Variants in AP3D1 observed in about 807,000 individuals in gnomAD.
The protein encoded by AP3D1 is adaptor related protein complex 3 subunit delta 1, also known as AP-3 complex subunit delta-1.
In AP3D1, 51 loss-of-function variants were observed where a neutral mutation model predicts 147.6. The observed-to-expected ratio is 0.35, with a 90% CI of 0.28 to 0.44. AP3D1 has a LOEUF of 0.44. AP3D1 is among the 20% of genes least tolerant of loss of function. AP3D1 has a pLI of 1.00. For synonymous variants in AP3D1, 760 were observed against 663.0 expected (o/e 1.15, Z -2.25); for missense variants, 1,421 against 1,624.2 (o/e 0.87, Z 2.15).
chr19:2,127,068 C>T (rs1203231293), intron 9 of AP3D1, 84 bp downstream of exon 9: 5 of 1,461,630 alleles, frequency 3.4e-6, no homozygotes, highest in Non-Finnish European at 4.8e-6. Flanking sequence ...TCGGAGACAC[C>T]AGGCCTGGCG....
chr19:2,163,122 G>A (rs187059931), intron 1 of AP3D1, among the ~76,000 whole-genome samples: 18 of 152,146 alleles, frequency 1.2e-4, no homozygotes, highest in African/African-American at 3.6e-4. Context: ...TGCCCAGGCC[G>A]GAGTGCAGTG....
intron 1 of AP3D1, among the ~76,000 whole-genome samples, chr19:2,156,603 C>G (rs2019647216): frequency 6.6e-6 from 1 of 151,908 alleles, no homozygotes; most frequent in Non-Finnish European, 1.5e-5. Context: ...GTAATCCCAG[C>G]CCTTTGGGAG....
rs543008778 is a variant in AP3D1 at position 2,117,017 on chromosome 19, C to T, written c.1859+205G>A. On this transcript the variant is annotated intron_variant, in intron 16 of 31. Coordinates refer to ENST00000643116, the MANE Select transcript of AP3D1 (RefSeq NM_001261826.3). Reference sequence around the variant, plus strand: ...CAAGGGTGGGAGCAGGCCCACTTCGCAGGGAGCATCCCCAGGCAGAAGCCA... The same window carrying T: ...CAAGGGTGGGAGCAGGCCCACTTCGTAGGGAGCATCCCCAGGCAGAAGCCA... 1.1e-5 allele frequency: 9 copies of T among 820,700 alleles called. No individual in the cohort carries two copies. The East Asian group carries it at 2.6e-4, about 24-fold the overall frequency. 50.8% of individuals were successfully genotyped at this position (820,700 alleles called of 1,614,324 possible).
chr19:2,127,669 C>T (rs185431273), intron 8 of AP3D1, among the ~76,000 whole-genome samples: 28 of 152,316 alleles, frequency 1.8e-4, no homozygotes, highest in African/African-American at 5.8e-4. Context: ...GGATTGCAAG[C>T]GTGCACCACC....
chr19:2,130,041 A>G (rs1456992032), intron 6 of AP3D1, among the ~76,000 whole-genome samples: 1 of 152,090 alleles, frequency 6.6e-6, no homozygotes, highest in African/African-American at 2.4e-5. Context: ...CCACAAATAC[A>G]CAACAGCTAC....
rs968333319 is a variant in AP3D1, at chr19:2,102,771, A to G, written c.3553-503T>C. ...AATAAATAAATAAATAAATAAATAA[A>G]TAAATAAATAAAATAAAAATAAAAA... On this transcript the variant is annotated intron_variant, in intron 31 of 31. Coordinates refer to ENST00000643116, the MANE Select transcript of AP3D1 (RefSeq NM_001261826.3). Among the ~76,000 whole-genome samples, 15 of 148,552 alleles carry G rather than the reference A, an allele frequency of 1.0e-4. No individual in the cohort carries two copies. In the Middle Eastern group the frequency reaches 0.011, roughly 105 times the overall value.
chr19:2,140,192 G>A (rs890410994), intron 1 of AP3D1, among the ~76,000 whole-genome samples: 4 of 152,120 alleles, frequency 2.6e-5, no homozygotes, highest in Non-Finnish European at 2.9e-5. Context: ...CATCCCAGGC[G>A]TGGAGAGGTC....
intron 1 of AP3D1, among the ~76,000 whole-genome samples, chr19:2,141,784 G>A (rs533493148): frequency 3.3e-5 from 5 of 151,256 alleles, no homozygotes; most frequent in Admixed American, 2.0e-4. Context: ...CTATTGCACA[G>A]GCTAAAGTGC....
In AP3D1 at chr19:2,115,580, G is replaced by T; in HGVS notation, c.2107C>A (p.Pro703Thr). The T allele has an allele frequency of 6.2e-7, 1 of 1,613,186 alleles. No individual in the cohort carries two copies. The highest frequency in any genetic ancestry group is 8.5e-7 in the Non-Finnish European group (1 of 1,179,844). The change falls in exon 19 of 32, where the codon CCC (proline) becomes ACC (threonine). Residue 703 changes from proline (P) to threonine (T), a missense_variant. Physicochemically the swap from Pro to Thr is conservative, Grantham distance 38. Transcript: ENST00000643116. ...ACGGAGAGGTCAATCTGCACCACGG[G>T]AATGTGCTCCACGCCCGGGGTGTCC... The part of the protein sequence containing the change: ...YQDTPGVEHI[P>T]VVQIDLSVPL...
At chr19:2,149,812 T>C (rs767268176) in intron 1 of AP3D1, among the ~76,000 whole-genome samples, 1 of 152,142 alleles carries the variant, frequency 6.6e-6, no homozygotes, top group African/African-American at 2.4e-5. Context: ...CGCTGGGAGA[T>C]CCTGCCTGTG....
In AP3D1 at chr19:2,150,290, C is replaced by G. The variant is rs1374481868; in HGVS notation, c.96+949G>C. Among the ~76,000 whole-genome samples the G allele has an allele frequency of 3.3e-5, 5 of 152,198 alleles. 1 individual carries two copies. The East Asian group carries it at 9.6e-4, about 29-fold the overall frequency. On this transcript the variant is annotated intron_variant, in intron 1 of 31. Coordinates refer to ENST00000643116, the MANE Select transcript of AP3D1 (RefSeq NM_001261826.3). ...CTGTCCACGCAGGGAAGCAGGCAGG[C>G]AGTCGCTCAAGTAGGACACTTTCTA...
At chr19:2,138,410 C>T (rs1248077365) in intron 2 of AP3D1, among the ~76,000 whole-genome samples, 2 of 152,246 alleles carry the variant, frequency 1.3e-5, no homozygotes, top group African/African-American at 4.8e-5. Context: ...CCACCAGGGC[C>T]TGTGGGTTGC....
chr19:2,149,150 G>C (rs928997019), intron 1 of AP3D1, among the ~76,000 whole-genome samples: 1 of 152,176 alleles, frequency 6.6e-6, no homozygotes, highest in Admixed American at 6.6e-5. Flanking sequence ...GAGAAAGCCA[G>C]GGTCCCCAGA....
rs372877711 is a variant in AP3D1 at position 2,110,687 on chromosome 19, G to A, written c.3175+20C>T. The A allele has an allele frequency of 3.5e-5, 55 of 1,569,834 alleles. No homozygotes were observed. In the East Asian group the frequency reaches 5.6e-4, roughly 16 times the overall value. Reference sequence around the variant, plus strand: ...GCTCCCACAGTCCCCAGGAGAGGCCGTGAGTGGGGCAGGGCTCACCTGGGG... The same window carrying A: ...GCTCCCACAGTCCCCAGGAGAGGCCATGAGTGGGGCAGGGCTCACCTGGGG... On this transcript the variant is annotated intron_variant, in intron 27 of 31. Coordinates refer to ENST00000643116, the MANE Select transcript of AP3D1 (RefSeq NM_001261826.3).
At chr19:2,141,303 G>A (rs1041731454) in intron 1 of AP3D1, among the ~76,000 whole-genome samples, 1 of 152,002 alleles carries the variant, frequency 6.6e-6, no homozygotes, top group Non-Finnish European at 1.5e-5. Flanking sequence ...AATGATGCTG[G>A]TCTCAGCATC....
At position 2,121,720 on chromosome 19, in the gene AP3D1, CAG is replaced by C; in HGVS notation, c.1101+12_1101+13del. 1 of 1,563,558 alleles carries C rather than the reference CAG, an allele frequency of 6.4e-7. No homozygotes were observed. Among genetic ancestry groups the C allele is most frequent in the South Asian group, 1.2e-5 (1 of 83,840 alleles). Reference sequence around the variant, plus strand: ...TAAGGCCAGGCGGGCGGGCGGCGGACAGAGGGCACGCACCATCCCATAGAGCA... The same window carrying C: ...TAAGGCCAGGCGGGCGGGCGGCGGACAGGGCACGCACCATCCCATAGAGCA... On this transcript the variant is annotated intron_variant, in intron 12 of 31. Transcript: ENST00000643116.
At chr19:2,138,143 G>A (rs1166722374) in intron 2 of AP3D1, among the ~76,000 whole-genome samples, 1 of 152,204 alleles carries the variant, frequency 6.6e-6, no homozygotes, top group Admixed American at 6.5e-5. Context: ...GCAGCAGCAT[G>A]GGGGACCCTG....
chr19:2,117,683 C>A (rs986259175), intron 15 of AP3D1, among the ~76,000 whole-genome samples: 1 of 152,266 alleles, frequency 6.6e-6, no homozygotes, highest in Non-Finnish European at 1.5e-5. Flanking sequence ...GCGGGCTCCC[C>A]GCCTCTGTGC....
At position 2,114,811 on chromosome 19, in the gene AP3D1, G is replaced by A. The variant is rs768156689; in HGVS notation, c.2360C>T (p.Pro787Leu). ...GGGGTCTTTGTCATCCTCGTCGCTG[G>A]GCAGAGCATTCTGACAGGAAGAGAG... Reference protein sequence around the residue: ...VTEEMPENALPSDEDDKDPND... With the variant: ...VTEEMPENALLSDEDDKDPND... Residue 787 changes from proline to leucine, a missense_variant, in exon 21 of 32, where the codon CCC becomes CTC. Around this residue, in one of 6 missense-constraint regions of AP3D1, gnomAD observed 791 missense variants for 761.4 expected, o/e 1.04. Transcript: ENST00000643116. 3.5e-5 allele frequency: 57 copies of A among 1,613,946 alleles called. No homozygotes were observed. Among genetic ancestry groups the A allele is most frequent in the Non-Finnish European group, 4.5e-5 (53 of 1,179,924 alleles).
Sources: allele counts gnomAD v4.1 joint callset (sites outside exome capture counted in the v4.1 genomes callset), GRCh38; gene constraint gnomAD v4.1.1; regional missense constraint gnomAD v4.1.1; transcripts MANE v1.5; gene names NCBI Gene and HGNC (gene_info 2026-07-23, HGNC 2026-07-21).